Variants in SYN3 observed in about 807,000 individuals in gnomAD.
SYN3 encodes synapsin-3.
SYN3 carries 35 observed loss-of-function variants against 65.8 expected under a neutral mutation model. The observed-to-expected ratio is 0.53, with a 90% confidence interval of 0.41 to 0.70. The LOEUF is 0.70. Ranked by LOEUF, SYN3 falls within the 30% of genes least tolerant of loss-of-function variation. The pLI, the probability that SYN3 is intolerant of heterozygous loss-of-function variation, is 0.00. For synonymous variants in SYN3, 270 were observed against 292.9 expected, an observed-to-expected ratio of 0.92 and a Z score of 0.80; for missense variants, 680 against 749.0, an observed-to-expected ratio of 0.91 and a Z score of 1.08.
chr22:32,721,861 G>A (rs1354800482), intron 6 of SYN3, among the ~76,000 whole-genome samples: 4 of 152,214 alleles, frequency 2.6e-5, no homozygotes, highest in Non-Finnish European at 5.9e-5. Flanking sequence ...GGGGTGGTCA[G>A]GGAAGGCTTT....
intron 2 of SYN3, among the ~76,000 whole-genome samples, chr22:32,981,609 T>A (rs983164580): frequency 3.3e-5 from 5 of 151,684 alleles, no homozygotes; most frequent in Admixed American, 1.3e-4. Flanking sequence ...ATAATAATAA[T>A]AATAATTGTG....
intron 4 of SYN3, among the ~76,000 whole-genome samples, chr22:32,903,130 T>C (rs925214763): frequency 5.9e-5 from 9 of 152,146 alleles, no homozygotes; most frequent in South Asian, 4.1e-4. Context: ...TGGTGAGCTA[T>C]AGAGTCCATG....
intron 10 of SYN3, 74 bp from the exon 11 acceptor site, chr22:32,529,082 T>G (rs924059335): frequency 1.9e-6 from 3 of 1,595,532 alleles, no homozygotes; most frequent in East Asian, 4.5e-5. Context: ...ATCCCAGAAG[T>G]GGGGGCTCAG....
At chr22:32,719,467 G>C (rs1159023841) in intron 6 of SYN3, among the ~76,000 whole-genome samples, 2 of 152,184 alleles carry the variant, frequency 1.3e-5, no homozygotes, top group African/African-American at 2.4e-5. Context: ...TGAAGATAGG[G>C]ATTGTTTTGT....
At chr22:32,826,063 A>G (rs1467534490) in intron 6 of SYN3, among the ~76,000 whole-genome samples, 1 of 152,222 alleles carries the variant, frequency 6.6e-6, no homozygotes, top group Non-Finnish European at 1.5e-5. Flanking sequence ...ATTATTTTAT[A>G]GGTTTTTGTT....
At position 32,596,687 on chromosome 22, in the gene SYN3, G is replaced by T. The variant is rs2059205066; in HGVS notation, c.761C>A (p.Ala254Asp). ...TGTTTCTCATACCTTTCCCATTCCA[G>T]CGTGGGCATGTCCCAGCTTGACTAC... The part of the protein sequence containing the change: ...PVVVKLGHAH[A>D]GMGKIKVENQ... Residue 254 changes from alanine to aspartate, a missense_variant, in exon 7 of 14, where the codon GCT (alanine) becomes GAT (aspartate). Coordinates refer to ENST00000358763, the MANE Select transcript of SYN3 (RefSeq NM_003490.4). 5 of 1,614,062 alleles carry T rather than the reference G, an allele frequency of 3.1e-6. No individual in the cohort carries two copies. Among genetic ancestry groups the T allele is most frequent in the Non-Finnish European group, 3.4e-6 (4 of 1,179,962 alleles).
chr22:32,901,970 G>A (rs1161564785), intron 4 of SYN3, among the ~76,000 whole-genome samples: 1 of 152,218 alleles, frequency 6.6e-6, no homozygotes, highest in Non-Finnish European at 1.5e-5. Context: ...GGAGAGCAGA[G>A]CCCCTCTTGG....
At chr22:32,764,461 C>A (rs934867859) in intron 6 of SYN3, among the ~76,000 whole-genome samples, 2 of 152,158 alleles carry the variant, frequency 1.3e-5, no homozygotes, top group African/African-American at 2.4e-5. Context: ...GACCCAACAG[C>A]CTCACTGCTG....
chr22:32,897,628 C>T (rs1339459780), intron 4 of SYN3, among the ~76,000 whole-genome samples: 1 of 152,150 alleles, frequency 6.6e-6, no homozygotes, highest in African/African-American at 2.4e-5. Flanking sequence ...AGCTTTATCA[C>T]CTCAGGCAAG....
intron 10 of SYN3, among the ~76,000 whole-genome samples, chr22:32,532,408 C>G (rs1409052276): frequency 6.6e-6 from 1 of 152,296 alleles, no homozygotes; most frequent in East Asian, 1.9e-4. Flanking sequence ...CTGTTCCCAG[C>G]CCCTTCCATG....
intron 7 of SYN3, among the ~76,000 whole-genome samples, chr22:32,573,646 T>A (rs2058808977): frequency 6.6e-6 from 1 of 151,748 alleles, no homozygotes; most frequent in Non-Finnish European, 1.5e-5. Flanking sequence ...GAGTTTTGAG[T>A]GGCCCAGTTC....
chr22:32,620,332 A>G (rs1381921365), intron 6 of SYN3, among the ~76,000 whole-genome samples: 3 of 152,206 alleles, frequency 2.0e-5, no homozygotes. Context: ...TTTTTAATAC[A>G]TATATGAATC....
intron 6 of SYN3, among the ~76,000 whole-genome samples, chr22:32,619,774 G>T (rs541032364): frequency 2.1e-4 from 32 of 152,336 alleles, no homozygotes; most frequent in African/African-American, 7.7e-4. Context: ...CAGTGCAGCA[G>T]AAGTGTCCCA....
At chr22:32,543,149 C>T (rs1194003767) in intron 7 of SYN3, among the ~76,000 whole-genome samples, 1 of 152,198 alleles carries the variant, frequency 6.6e-6, no homozygotes, top group Non-Finnish European at 1.5e-5. Context: ...GTCCCTCCCA[C>T]AAGAATGCCC....
intron 7 of SYN3, among the ~76,000 whole-genome samples, chr22:32,575,270 G>T (rs775884762): frequency 1.3e-5 from 2 of 152,256 alleles, no homozygotes; most frequent in Admixed American, 1.3e-4. Flanking sequence ...TGGGTGGAAG[G>T]TTGGACGCCA....
chr22:32,863,845 T>G (rs2048614498), intron 6 of SYN3, among the ~76,000 whole-genome samples: 1 of 152,066 alleles, frequency 6.6e-6, no homozygotes, highest in Non-Finnish European at 1.5e-5. Flanking sequence ...TTCAGGCTAG[T>G]TTGATAATGA....
intron 6 of SYN3, chr22:32,833,853 G>T (rs748887784): frequency 2.0e-6 from 1 of 501,162 alleles, no homozygotes; most frequent in Non-Finnish European, 4.0e-6. Context: ...CACTGATCAT[G>T]CATGGAAAGT....
intron 7 of SYN3, among the ~76,000 whole-genome samples, chr22:32,559,411 G>C (rs1025900534): frequency 1.3e-5 from 2 of 152,212 alleles, no homozygotes; most frequent in Admixed American, 1.3e-4. Context: ...GGCCAAGAGG[G>C]CTCTTCCCCA....
chr22:32,878,164 C>T (rs182128004), intron 4 of SYN3, among the ~76,000 whole-genome samples: 1 of 152,260 alleles, frequency 6.6e-6, no homozygotes, highest in East Asian at 1.9e-4. Context: ...CTCTCATCAT[C>T]ACCTCCAACT....
Sources: gnomAD v4.1 joint callset for allele counts (sites outside exome capture counted in the v4.1 genomes callset) on GRCh38, gnomAD v4.1.1 for gene constraint, MANE v1.5 for transcripts, NCBI Gene and HGNC (gene_info 2026-07-23, HGNC 2026-07-21) for gene names.